The following CCSER1 variants were observed in gnomAD, a reference collection of about 807,000 sequenced individuals.
CCSER1 encodes serine-rich coiled-coil domain-containing protein 1.
CCSER1 carries 41 observed loss-of-function variants against 82.0 expected under a neutral mutation model. The ratio of observed to expected loss-of-function variants is 0.50; its 90% confidence interval spans 0.39 to 0.65. The LOEUF is 0.65. Ranked by LOEUF, CCSER1 falls within the 30% of genes least tolerant of loss-of-function variation. The pLI is 0.00. For missense variants in CCSER1, 1,119 were observed against 1,064.2 expected (o/e 1.05, Z -0.72); for synonymous variants, 414 against 383.9 (o/e 1.08, Z -0.92).
chr4:90,825,075 A>C (rs992130447), intron 8 of CCSER1, among the ~76,000 whole-genome samples: 6 of 152,232 alleles, frequency 3.9e-5, no homozygotes, highest in African/African-American at 1.4e-4. Context: ...ACAATCTTTA[A>C]TATTCAATGG....
intron 8 of CCSER1, among the ~76,000 whole-genome samples, chr4:90,901,713 AT>A (rs1250039445): frequency 3.3e-5 from 5 of 151,698 alleles, no homozygotes; most frequent in Admixed American, 3.3e-4. Flanking sequence ...TGCCCTTAAG[AT>A]TTTTTTCTCC....
At chr4:90,261,691 C>G (rs906891402) in intron 1 of CCSER1, among the ~76,000 whole-genome samples, 1 of 152,140 alleles carries the variant, frequency 6.6e-6, no homozygotes, top group Non-Finnish European at 1.5e-5. Flanking sequence ...CCTGAAATAT[C>G]TTTTCAAACT....
At chr4:90,319,220 G>A (rs1258159065) in intron 3 of CCSER1, among the ~76,000 whole-genome samples, 3 of 152,132 alleles carry the variant, frequency 2.0e-5, no homozygotes, top group Non-Finnish European at 2.9e-5. Flanking sequence ...TGAATCTCAT[G>A]ATTAATATTA....
At chr4:90,386,926 T>G (rs1026053656) in intron 3 of CCSER1, among the ~76,000 whole-genome samples, 10 of 152,196 alleles carry the variant, frequency 6.6e-5, no homozygotes, top group African/African-American at 2.4e-4. Flanking sequence ...CATTTATCAG[T>G]AGCTGAAATG....
At chr4:90,982,156 C>G (rs1233383392) in intron 9 of CCSER1, among the ~76,000 whole-genome samples, 1 of 151,840 alleles carries the variant, frequency 6.6e-6, no homozygotes, top group Non-Finnish European at 1.5e-5. Context: ...AAATCTGAGA[C>G]ATTCAAGATC....
chr4:90,385,910 G>A (rs188712957), intron 3 of CCSER1, among the ~76,000 whole-genome samples: 88 of 151,836 alleles, frequency 5.8e-4, no homozygotes, highest in African/African-American at 2.1e-3. Flanking sequence ...TGTATCATTT[G>A]TAAATATTTT....
rs79764547 is a variant in CCSER1, at chr4:91,080,457, A to T, written c.2173-5493A>T. 4.6e-3 allele frequency among the ~76,000 whole-genome samples: 708 copies of T among 152,340 alleles called. 8 individuals carry two copies. Among genetic ancestry groups the T allele is most frequent in the African/African-American group, 0.016 (659 of 41,580 alleles). On this transcript the variant is annotated intron_variant, in intron 9 of 10. Transcript: ENST00000509176. ...ATTAATAGCACTAAATGCCCATAAG[A>T]GAAAGCAGGAGAGATTTAAAATTGA...
At chr4:90,993,121 A>C (rs1049651093) in intron 9 of CCSER1, among the ~76,000 whole-genome samples, 1 of 152,054 alleles carries the variant, frequency 6.6e-6, no homozygotes, top group African/African-American at 2.4e-5. Context: ...TCTATGTCCC[A>C]GCCTCTCTGT....
At chr4:91,062,255 C>T (rs1744017128) in intron 9 of CCSER1, among the ~76,000 whole-genome samples, 2 of 151,960 alleles carry the variant, frequency 1.3e-5, no homozygotes, top group African/African-American at 2.4e-5. Context: ...GTTTGATTCC[C>T]TCACCCATGC....
intron 10 of CCSER1, among the ~76,000 whole-genome samples, chr4:91,588,635 T>C (rs938472608): frequency 1.3e-5 from 2 of 151,806 alleles, no homozygotes; most frequent in Non-Finnish European, 2.9e-5. Context: ...TTTCTATATA[T>C]GTTAGCAGTA....
chr4:91,319,726 A>G (rs1259859687), intron 10 of CCSER1: 6 of 455,478 alleles, frequency 1.3e-5, no homozygotes, highest in Admixed American at 1.2e-4. Flanking sequence ...TTTCTATAGC[A>G]CTGGGAGGCA....
chr4:91,201,550 G>T (rs1364873283), intron 10 of CCSER1, among the ~76,000 whole-genome samples: 1 of 152,086 alleles, frequency 6.6e-6, no homozygotes, highest in African/African-American at 2.4e-5. Context: ...TTGCACTAGG[G>T]TGTCAAATCT....
intron 3 of CCSER1, among the ~76,000 whole-genome samples, chr4:90,323,133 T>C (rs1416592981): frequency 1.3e-5 from 2 of 152,054 alleles, no homozygotes; most frequent in Non-Finnish European, 2.9e-5. Context: ...TGGTTACCAG[T>C]TGCAAGACAA....
intron 10 of CCSER1, among the ~76,000 whole-genome samples, chr4:91,366,033 G>C (rs12508304): frequency 0.23 from 34,491 of 151,920 alleles, 4,628 homozygotes; most frequent in Middle Eastern, 0.41. Flanking sequence ...GGGGGGTAGG[G>C]GTGAGATGGA....
At chr4:91,296,972 T>G (rs1744229156) in intron 10 of CCSER1, among the ~76,000 whole-genome samples, 1 of 151,898 alleles carries the variant, frequency 6.6e-6, no homozygotes, top group African/African-American at 2.4e-5. Context: ...GTGAAGATTT[T>G]GGGTTAAAAA....
At position 90,874,527 on chromosome 4, in the gene CCSER1, C is replaced by A. The variant is rs1766956265; in HGVS notation, c.2095-48843C>A. Among the ~76,000 whole-genome samples the A allele has an allele frequency of 2.0e-5, 3 of 152,018 alleles. No individual in the cohort carries two copies. In the South Asian group the frequency reaches 6.2e-4, roughly 32 times the overall value. On this transcript the variant is annotated intron_variant, in intron 8 of 10. Transcript: ENST00000509176. ...GGTCATCAAATGGTCTGCATCTCAC[C>A]AGCTGCTGTTTTTCCCTCCCTCCCA...
intron 7 of CCSER1, among the ~76,000 whole-genome samples, chr4:90,797,134 T>G (rs1756146890): frequency 6.6e-6 from 1 of 152,214 alleles, no homozygotes; most frequent in Admixed American, 6.5e-5. Context: ...TTTGAAGGTC[T>G]CCAATAACTT....
intron 10 of CCSER1, among the ~76,000 whole-genome samples, chr4:91,127,023 T>A (rs139415789): frequency 6.6e-6 from 1 of 151,956 alleles, no homozygotes; most frequent in African/African-American, 2.4e-5. Context: ...TTATTTTCTG[T>A]TGGGAAACAG....
At chr4:90,338,437 A>G (rs998682582) in intron 3 of CCSER1, among the ~76,000 whole-genome samples, 1 of 152,192 alleles carries the variant, frequency 6.6e-6, no homozygotes, top group Non-Finnish European at 1.5e-5. Flanking sequence ...AGTTCCTAAC[A>G]ATGTTCATTC....
Sources: gnomAD v4.1 joint callset for allele counts (sites outside exome capture counted in the v4.1 genomes callset) on GRCh38, gnomAD v4.1.1 for gene constraint, MANE v1.5 for transcripts, NCBI Gene and HGNC (gene_info 2026-07-23, HGNC 2026-07-21) for gene names.